Variants in KCNJ3 observed in about 807,000 individuals in gnomAD.
KCNJ3 encodes the protein potassium inwardly rectifying channel subfamily J member 3.
KCNJ3 carries 4 observed loss-of-function variants against 39.2 expected under a neutral mutation model. That is an observed-to-expected ratio of 0.10 (90% CI 0.05 to 0.23). The LOEUF (loss-of-function observed/expected upper bound fraction) is 0.23. KCNJ3 is among the 10% of genes least tolerant of loss of function. The pLI, the probability that KCNJ3 is intolerant of heterozygous loss-of-function variation, is 1.00. For synonymous variants in KCNJ3, 230 were observed against 237.4 expected, an observed-to-expected ratio of 0.97 and a Z score of 0.29; for missense variants, 276 against 634.9, an observed-to-expected ratio of 0.43 and a Z score of 6.08.
At chr2:154,823,150 A>G (rs1012077597) in intron 2 of KCNJ3, among the ~76,000 whole-genome samples, 8 of 152,240 alleles carry the variant, frequency 5.3e-5, no homozygotes, top group Admixed American at 5.2e-4. Context: ...TTGATATGGT[A>G]CTAATAAAAA....
intron 2 of KCNJ3, among the ~76,000 whole-genome samples, chr2:154,784,035 T>C (rs1463152878): frequency 6.6e-6 from 1 of 152,212 alleles, no homozygotes; most frequent in Non-Finnish European, 1.5e-5. Context: ...TAAAATTTCT[T>C]GCTGGGTGAT....
In KCNJ3 at chr2:154,855,139, G is replaced by A. The variant is rs767675362; in HGVS notation, c.1332G>A (p.Pro444=). ...AACTTCAACGAATAAGTTCAGTTCC[G>A]GGCAACTCAGAAGAAAAACTGGTAT... ...PMKLQRISSV[P]GNSEEKLVSK... The change falls in exon 3 of 3, where the codon CCG becomes CCA. Residue 444 remains proline, a synonymous_variant. Transcript: ENST00000295101. The A allele has an allele frequency of 2.5e-6, 4 of 1,613,934 alleles. No individual in the cohort carries two copies. Among genetic ancestry groups the A allele is most frequent in the South Asian group, 1.1e-5 (1 of 91,076 alleles).
intron 2 of KCNJ3, among the ~76,000 whole-genome samples, chr2:154,780,724 A>G (rs1327265126): frequency 6.6e-6 from 1 of 152,190 alleles, no homozygotes; most frequent in Non-Finnish European, 1.5e-5. Flanking sequence ...TAAATGTTAT[A>G]CGTGTATACC....
At chr2:154,701,624 T>C (rs890367412) in intron 1 of KCNJ3, among the ~76,000 whole-genome samples, 1 of 152,046 alleles carries the variant, frequency 6.6e-6, no homozygotes, top group Non-Finnish European at 1.5e-5. Flanking sequence ...GAAAGATGTA[T>C]AGTGTCGACA....
chr2:154,847,328 A>AAGTT (rs568547074), intron 2 of KCNJ3, among the ~76,000 whole-genome samples: 5 of 152,326 alleles, frequency 3.3e-5, no homozygotes, highest in South Asian at 4.1e-4. Flanking sequence ...AGAGAATGCC[A>AAGTT]AGTTAGTGTT....
intron 2 of KCNJ3, among the ~76,000 whole-genome samples, chr2:154,712,559 A>G (rs545484451): frequency 6.6e-6 from 1 of 152,176 alleles, no homozygotes; most frequent in African/African-American, 2.4e-5. Flanking sequence ...TGTGTCCTTG[A>G]AAGTATGTGA....
intron 2 of KCNJ3, among the ~76,000 whole-genome samples, chr2:154,819,878 A>T (rs1028734622): frequency 6.6e-6 from 1 of 150,916 alleles, no homozygotes; most frequent in African/African-American, 2.4e-5. Flanking sequence ...TTAACATGTA[A>T]TACTGAATTT....
chr2:154,718,080 T>C (rs1001576223), intron 2 of KCNJ3, among the ~76,000 whole-genome samples: 4 of 152,224 alleles, frequency 2.6e-5, no homozygotes, highest in African/African-American at 9.6e-5. Context: ...TAATTGTTGG[T>C]GTTTTAGAAG....
In KCNJ3 at chr2:154,709,722, C is replaced by G. The variant is rs267598931; in HGVS notation, c.822C>G (p.Ile274Met). ...CCCCCCTCACAATTTGCCACGTGAT[C>G]GATGCCAAAAGCCCCTTTTATGACC... ...LVSPLTICHV[I>M]DAKSPFYDLS... Residue 274 changes from isoleucine to methionine, a missense_variant, in exon 2 of 3, where the codon ATC becomes ATG. Physicochemically the swap from Ile to Met is conservative, Grantham distance 10. Around this residue, in one of 4 missense-constraint regions of KCNJ3, gnomAD observed 77 missense variants for 200.0 expected, o/e 0.38. Coordinates refer to ENST00000295101, the MANE Select transcript of KCNJ3 (RefSeq NM_002239.4). The G allele has an allele frequency of 6.2e-7, 1 of 1,613,876 alleles. No homozygotes were observed. The highest frequency in any genetic ancestry group is 8.5e-7 in the Non-Finnish European group (1 of 1,179,896).
intron 2 of KCNJ3, among the ~76,000 whole-genome samples, chr2:154,737,664 A>T (rs1685571774): frequency 6.6e-6 from 1 of 152,218 alleles, no homozygotes; most frequent in African/African-American, 2.4e-5. Context: ...AATGTTGGAG[A>T]TGAAAAATAA....
At chr2:154,836,566 A>G (rs902979137) in intron 2 of KCNJ3, among the ~76,000 whole-genome samples, 7 of 152,124 alleles carry the variant, frequency 4.6e-5, no homozygotes, top group Non-Finnish European at 1.0e-4. Flanking sequence ...ACTTGTATAT[A>G]CATGGTCAAA....
intron 2 of KCNJ3, among the ~76,000 whole-genome samples, chr2:154,800,754 A>G (rs917255576): frequency 6.6e-6 from 1 of 152,166 alleles, no homozygotes; most frequent in African/African-American, 2.4e-5. Context: ...TCAGAAATGC[A>G]TTTTAAATCC....
chr2:154,849,352 C>T (rs1037063748), intron 2 of KCNJ3, among the ~76,000 whole-genome samples: 2 of 151,906 alleles, frequency 1.3e-5, no homozygotes, highest in African/African-American at 4.8e-5. Context: ...TGTGTTTTTG[C>T]TTTTGTTTGA....
rs530744145 is a variant in KCNJ3 at position 154,823,646 on chromosome 2, T to G, written c.920-31081T>G. On this transcript the variant is annotated intron_variant, in intron 2 of 2. Transcript: ENST00000295101. ...ATTCCCCTTTTCAATATAATGTATA[T>G]CTGCATTACAAACTCACTTCATATA... Among the ~76,000 whole-genome samples the G allele has an allele frequency of 9.4e-4, 143 of 152,278 alleles. 1 individual carries two copies. The highest frequency in any genetic ancestry group is 1.5e-3 in the Non-Finnish European group (102 of 68,010).
intron 2 of KCNJ3, among the ~76,000 whole-genome samples, chr2:154,738,891 A>G (rs190737887): frequency 1.9e-4 from 29 of 152,204 alleles, no homozygotes; most frequent in African/African-American, 6.5e-4. Flanking sequence ...GAAGTCCTTC[A>G]GGAGGAGAAA....
At chr2:154,737,840 G>A (rs1168021014) in intron 2 of KCNJ3, among the ~76,000 whole-genome samples, 1 of 152,078 alleles carries the variant, frequency 6.6e-6, no homozygotes, top group Non-Finnish European at 1.5e-5. Flanking sequence ...AGACGAAATA[G>A]TTGAAGAAAC....
chr2:154,813,553 T>G (rs1328455504), intron 2 of KCNJ3, among the ~76,000 whole-genome samples: 1 of 152,174 alleles, frequency 6.6e-6, no homozygotes, highest in Non-Finnish European at 1.5e-5. Flanking sequence ...GAACATAGGT[T>G]TAGATGGATA....
intron 2 of KCNJ3, among the ~76,000 whole-genome samples, chr2:154,755,086 C>T (rs1412813083): frequency 6.6e-6 from 1 of 151,990 alleles, no homozygotes; most frequent in East Asian, 1.9e-4. Context: ...AGTGATACCT[C>T]TCTTTTCATT....
Position 154,753,051 on chromosome 2 carries a change from A to G in KCNJ3, c.919+43232A>G, listed in dbSNP as rs142980757. 3.0e-3 allele frequency among the ~76,000 whole-genome samples: 455 copies of G among 152,212 alleles called. 1 individual carries two copies. The highest frequency in any genetic ancestry group is 9.0e-3 in the African/African-American group (372 of 41,562). On this transcript the variant is annotated intron_variant, in intron 2 of 2. Transcript: ENST00000295101. Reference sequence around the variant, plus strand: ...CTATTTGGTTAGCATTATTGACCTCAGTTGAAGCCTCTAATTCTCTCTTAT... The same window carrying G: ...CTATTTGGTTAGCATTATTGACCTCGGTTGAAGCCTCTAATTCTCTCTTAT...
Sources: gnomAD v4.1 joint callset for allele counts (sites outside exome capture counted in the v4.1 genomes callset) on GRCh38, gnomAD v4.1.1 for gene constraint, gnomAD v4.1.1 regional missense constraint, MANE v1.5 for transcripts, NCBI Gene and HGNC (gene_info 2026-07-23, HGNC 2026-07-21) for gene names.